ADGRL3: variants seen among roughly 807,000 people sequenced by gnomAD.
The protein encoded by ADGRL3 is adhesion G protein-coupled receptor L3, also known as calcium-independent alpha-latrotoxin receptor 3.
A neutral mutation model predicts 153.5 loss-of-function variants in ADGRL3; 62 were observed. The observed-to-expected ratio is 0.40, with a 90% CI of 0.33 to 0.50. ADGRL3 has a LOEUF of 0.50. ADGRL3 is among the 20% of genes least tolerant of loss of function. The probability of loss-of-function intolerance (pLI) is 0.47; values close to 1 mark genes in which losing one functional copy is unlikely to be tolerated. For missense variants in ADGRL3, 1,641 were observed against 1,859.4 expected (o/e 0.88, Z 2.16); for synonymous variants, 710 against 672.5 (o/e 1.06, Z -0.86).
intron 1 of ADGRL3, among the ~76,000 whole-genome samples, chr4:61,207,359 C>T (rs143422313): frequency 6.6e-6 from 1 of 152,252 alleles, no homozygotes; most frequent in Non-Finnish European, 1.5e-5. Flanking sequence ...TCATCCATGT[C>T]CCTGCAAAGG....
At chr4:61,828,563 C>T (rs6818785) in intron 9 of ADGRL3, among the ~76,000 whole-genome samples, 82,064 of 151,856 alleles carry the variant, frequency 0.54, 23,364 homozygotes, top group East Asian at 0.73. Context: ...AATCATCCCA[C>T]CCTCCTCGCA....
intron 8 of ADGRL3, among the ~76,000 whole-genome samples, chr4:61,756,273 A>G (rs1031540466): frequency 1.1e-4 from 17 of 151,896 alleles, no homozygotes; most frequent in African/African-American, 3.9e-4. Flanking sequence ...CTTCCATTTG[A>G]TTGTATTCTC....
At chr4:61,289,055 G>C (rs890052207) in intron 1 of ADGRL3, among the ~76,000 whole-genome samples, 1 of 151,846 alleles carries the variant, frequency 6.6e-6, no homozygotes, top group Admixed American at 6.6e-5. Flanking sequence ...ACGTACATAA[G>C]TTAACGCAAT....
intron 2 of ADGRL3, among the ~76,000 whole-genome samples, chr4:61,434,176 A>G (rs1261994926): frequency 6.6e-6 from 1 of 152,088 alleles, no homozygotes; most frequent in Non-Finnish European, 1.5e-5. Context: ...ATTGACAATT[A>G]TTTGTGGAGT....
intron 5 of ADGRL3, among the ~76,000 whole-genome samples, chr4:61,589,582 C>T (rs1327237644): frequency 6.6e-6 from 1 of 151,960 alleles, no homozygotes. Context: ...TTTTCTTTTG[C>T]TTAAACTTCT....
Position 61,596,545 on chromosome 4 carries a change from A to G in ADGRL3, c.473+9105A>G, listed in dbSNP as rs1031472618. On this transcript the variant is annotated intron_variant, in intron 5 of 26. Transcript: ENST00000683033. ...ACTTACACTGAAAACATATTATGAA[A>G]TTTGCCTCCTTGAATACTGTATCTG... Among the ~76,000 whole-genome samples the G allele has an allele frequency of 5.3e-5, 8 of 152,126 alleles. No individual in the cohort carries two copies. In the East Asian group the frequency reaches 1.5e-3, roughly 29 times the overall value.
chr4:61,768,802 G>A (rs542967429), intron 8 of ADGRL3, among the ~76,000 whole-genome samples: 4 of 152,002 alleles, frequency 2.6e-5, no homozygotes, highest in Admixed American at 6.6e-5. Flanking sequence ...ACGGAGAAGG[G>A]GTGGGGGTTT....
intron 4 of ADGRL3, among the ~76,000 whole-genome samples, chr4:61,578,703 A>G (rs1400947245): frequency 6.6e-6 from 1 of 152,008 alleles, no homozygotes; most frequent in Non-Finnish European, 1.5e-5. Flanking sequence ...CCTCTCCGAT[A>G]TCCATACATA....
At chr4:61,467,506 G>T (rs1035305735) in intron 2 of ADGRL3, among the ~76,000 whole-genome samples, 1 of 151,486 alleles carries the variant, frequency 6.6e-6, no homozygotes. Flanking sequence ...GAGAGAGAGA[G>T]ATGAAGGGAG....
At chr4:61,281,937 C>T (rs1296844949) in intron 1 of ADGRL3, among the ~76,000 whole-genome samples, 1 of 152,020 alleles carries the variant, frequency 6.6e-6, no homozygotes, top group East Asian at 1.9e-4. Context: ...TCCAAACCAC[C>T]CATTTTGTTT....
At chr4:61,210,620 T>A (rs1189615174) in intron 1 of ADGRL3, among the ~76,000 whole-genome samples, 1 of 152,230 alleles carries the variant, frequency 6.6e-6, no homozygotes, top group Non-Finnish European at 1.5e-5. Flanking sequence ...TGACTGATGG[T>A]CATCTTTTTG....
At chr4:61,646,912 T>C (rs1487970454) in intron 5 of ADGRL3, among the ~76,000 whole-genome samples, 2 of 152,192 alleles carry the variant, frequency 1.3e-5, no homozygotes, top group African/African-American at 4.8e-5. Context: ...TAGACTGCTG[T>C]GCTAGCAATC....
intron 8 of ADGRL3, among the ~76,000 whole-genome samples, chr4:61,744,423 C>T (rs2096625734): frequency 6.6e-6 from 1 of 152,156 alleles, no homozygotes; most frequent in African/African-American, 2.4e-5. Context: ...AAGTGGGTCC[C>T]TGACCCCTGA....
chr4:61,616,741 T>A (rs1323945599), intron 5 of ADGRL3, among the ~76,000 whole-genome samples: 2 of 152,174 alleles, frequency 1.3e-5, no homozygotes, highest in Non-Finnish European at 2.9e-5. Context: ...GTGCCTAATA[T>A]AAAAAAATTA....
At chr4:61,275,254 T>C (rs2093405065) in intron 1 of ADGRL3, among the ~76,000 whole-genome samples, 1 of 152,200 alleles carries the variant, frequency 6.6e-6, no homozygotes, top group African/African-American at 2.4e-5. Flanking sequence ...TAACTATCTT[T>C]ATAAGTTTAT....
chr4:61,920,925 C>T (rs570038966), intron 13 of ADGRL3, among the ~76,000 whole-genome samples: 6 of 152,236 alleles, frequency 3.9e-5, no homozygotes, highest in African/African-American at 1.4e-4. Context: ...GTGTCTAACA[C>T]AAGAGGGATA....
intron 2 of ADGRL3, among the ~76,000 whole-genome samples, chr4:61,421,657 A>G (rs2097208882): frequency 6.6e-6 from 1 of 152,158 alleles, no homozygotes; most frequent in South Asian, 2.1e-4. Context: ...TATGATTAAA[A>G]TTATTTAATT....
intron 3 of ADGRL3, among the ~76,000 whole-genome samples, chr4:61,499,942 C>T (rs2098365454): frequency 6.7e-6 from 1 of 150,164 alleles, no homozygotes; most frequent in Non-Finnish European, 1.5e-5. Flanking sequence ...GGTCTTGGGT[C>T]TTGGTTTGGG....
At chr4:61,976,818 T>C (rs1246455498) in intron 17 of ADGRL3, among the ~76,000 whole-genome samples, 1 of 152,168 alleles carries the variant, frequency 6.6e-6, no homozygotes, top group Non-Finnish European at 1.5e-5. Flanking sequence ...TCTTTATAAA[T>C]TACCCAGTCT....
Sources: gnomAD v4.1 joint callset for allele counts (sites outside exome capture counted in the v4.1 genomes callset) on GRCh38, gnomAD v4.1.1 for gene constraint, MANE v1.5 for transcripts, NCBI Gene and HGNC (gene_info 2026-07-23, HGNC 2026-07-21) for gene names.